Variants in RASAL2 observed in about 807,000 individuals in gnomAD.
RASAL2 encodes ras GTPase-activating protein nGAP.
A neutral mutation model predicts 128.9 loss-of-function variants in RASAL2; 58 were observed. The observed-to-expected ratio is 0.45, with a 90% CI of 0.36 to 0.56. The LOEUF is 0.56. RASAL2 is among the 20% of genes least tolerant of loss of function. The pLI, the probability that RASAL2 is intolerant of heterozygous loss-of-function variation, is 0.00. For missense variants in RASAL2, 1,360 were observed against 1,601.6 expected, an observed-to-expected ratio of 0.85 and a Z score of 2.57; for synonymous variants, 561 against 580.8, an observed-to-expected ratio of 0.97 and a Z score of 0.49.
chr1:178,252,218 A>T (rs969852511), intron 1 of RASAL2, among the ~76,000 whole-genome samples: 1 of 152,270 alleles, frequency 6.6e-6, no homozygotes, highest in Middle Eastern at 3.4e-3. Context: ...AAATAAAATT[A>T]TGTGGAAAAA....
At position 178,388,014 on chromosome 1, in the gene RASAL2, A is replaced by T. The variant is rs1000676628; in HGVS notation, c.458-2086A>T. Among the ~76,000 whole-genome samples the T allele has an allele frequency of 2.0e-5, 3 of 152,148 alleles. No homozygotes were observed. In the East Asian group the frequency reaches 5.8e-4, roughly 29 times the overall value. On this transcript the variant is annotated intron_variant, in intron 3 of 17. Coordinates refer to ENST00000367649, the MANE Select transcript of RASAL2 (RefSeq NM_170692.4). Reference sequence around the variant, plus strand: ...GCAAATTAAGGAAATGGTTTACTAGATCATTTTATCCCAGCTAATGAAATT... The same window carrying T: ...GCAAATTAAGGAAATGGTTTACTAGTTCATTTTATCCCAGCTAATGAAATT...
intron 4 of RASAL2, chr1:178,411,758 A>T: frequency 1.3e-6 from 1 of 796,000 alleles, no homozygotes; most frequent in Non-Finnish European, 2.3e-6. Context: ...GCAGACCGAG[A>T]TGAATCCTCG....
intron 3 of RASAL2, among the ~76,000 whole-genome samples, chr1:178,349,710 A>G (rs1482060267): frequency 6.6e-6 from 1 of 152,116 alleles, no homozygotes; most frequent in Non-Finnish European, 1.5e-5. Context: ...ACTTTTACAT[A>G]TAGTTACTAA....
At chr1:178,289,945 TC>T (rs1667202398) in intron 2 of RASAL2, among the ~76,000 whole-genome samples, 1 of 152,308 alleles carries the variant, frequency 6.6e-6, no homozygotes, top group Non-Finnish European at 1.5e-5. Flanking sequence ...CTTACCTCCT[TC>T]ATCTCTTTGC....
intron 15 of RASAL2, 21 bp from the exon 16 acceptor site, chr1:178,465,889 AGTTTTTGTCT>A (rs111561385): frequency 4.9e-6 from 7 of 1,428,314 alleles, no homozygotes; most frequent in African/African-American, 4.5e-5. Flanking sequence ...ATGTGACTCT[AGTTTTTGTCT>A]CCTTGCCTCC....
At chr1:178,416,217 A>G (rs2102728118) in intron 4 of RASAL2, among the ~76,000 whole-genome samples, 1 of 152,192 alleles carries the variant, frequency 6.6e-6, no homozygotes, top group Admixed American at 6.5e-5. Flanking sequence ...TTAGCATATC[A>G]GTTATACTTA....
intron 17 of RASAL2, among the ~76,000 whole-genome samples, chr1:178,469,176 A>T (rs1455636771): frequency 6.6e-6 from 1 of 152,144 alleles, no homozygotes; most frequent in Non-Finnish European, 1.5e-5. Context: ...TCATGCCTGT[A>T]GTCCCAGCTG....
At position 178,458,481 on chromosome 1, in the gene RASAL2, C is replaced by G. The variant is rs769896125; in HGVS notation, c.3189C>G (p.Ser1063=). The G allele has an allele frequency of 1.2e-6, 2 of 1,614,104 alleles. No homozygotes were observed. The highest frequency in any genetic ancestry group is 1.7e-6 in the Non-Finnish European group (2 of 1,179,994). Residue 1063 remains serine, a synonymous_variant, in exon 14 of 18, where the codon TCC becomes TCG. Coordinates refer to ENST00000367649, the MANE Select transcript of RASAL2 (RefSeq NM_170692.4). ...VQNGSRSRQQ[S]SSSRESPVPK... is the part of the protein sequence containing the mutation. ...ATGGGAGCCGGTCCCGGCAGCAGTC[C>G]TCTTCCTCCAGAGAGAGCCCTGTTC...
chr1:178,412,546 A>T (rs555940422), intron 4 of RASAL2, among the ~76,000 whole-genome samples: 46 of 152,348 alleles, frequency 3.0e-4, no homozygotes, highest in Middle Eastern at 6.8e-3. Context: ...TCCCTGAAGT[A>T]TTACTGCCCA....
chr1:178,217,762 G>A (rs573390755), intron 1 of RASAL2, among the ~76,000 whole-genome samples: 1 of 152,302 alleles, frequency 6.6e-6, no homozygotes, highest in Admixed American at 6.5e-5. Flanking sequence ...ACTGCTAGCT[G>A]CTCAGGGTGC....
chr1:178,336,163 G>A (rs12755909), intron 3 of RASAL2, among the ~76,000 whole-genome samples: 11,933 of 150,956 alleles, frequency 0.079, 540 homozygotes, highest in Middle Eastern at 0.14. Flanking sequence ...CTAGGAAATC[G>A]CTGTTGTAAT....
At chr1:178,204,891 T>C (rs1031185875) in intron 1 of RASAL2, among the ~76,000 whole-genome samples, 2 of 152,194 alleles carry the variant, frequency 1.3e-5, no homozygotes, top group African/African-American at 4.8e-5. Context: ...TGTGAAGGCT[T>C]CCAAATTCAT....
At chr1:178,100,260 A>G (rs1346966100) in intron 1 of RASAL2, among the ~76,000 whole-genome samples, 1 of 152,044 alleles carries the variant, frequency 6.6e-6, no homozygotes, top group Non-Finnish European at 1.5e-5. Flanking sequence ...TTATGCCCAT[A>G]ATTCCAGCAC....
Position 178,404,825 on chromosome 1 carries a change from G to C in RASAL2, c.564+14619G>C, listed in dbSNP as rs149745839. On this transcript the variant is annotated intron_variant, in intron 4 of 17. Transcript: ENST00000367649. ...GCCTCCTGAGTAGCCGGGTCTGCAG[G>C]TACATGCCACCACACCCAGCTAATT... is the stretch of plus-strand genomic sequence containing the variant. Among the ~76,000 whole-genome samples, 1,086 of 151,002 alleles carry C rather than the reference G, an allele frequency of 7.2e-3. 9 individuals are homozygous for C. Among genetic ancestry groups the C allele is most frequent in the Non-Finnish European group, 8.8e-3 (594 of 67,838 alleles).
rs545827800 is a variant in RASAL2 at position 178,201,026 on chromosome 1, G to A, written c.203-82538G>A. Among the ~76,000 whole-genome samples the A allele has an allele frequency of 9.9e-5, 15 of 152,268 alleles. No homozygotes were observed. The South Asian group carries it at 1.9e-3, about 19-fold the overall frequency. On this transcript the variant is annotated intron_variant, in intron 1 of 17. Transcript: ENST00000367649. ...TATAATTAGACTAAAGTCCCAGCAG[G>A]CTCCTAGAGGTGAGGTTCAGAGTGT...
At chr1:178,229,993 A>T (rs1006152123) in intron 1 of RASAL2, among the ~76,000 whole-genome samples, 12 of 151,908 alleles carry the variant, frequency 7.9e-5, no homozygotes, top group Non-Finnish European at 1.6e-4. Context: ...TGCTTTTCTG[A>T]TATTTTTTTT....
intron 1 of RASAL2, among the ~76,000 whole-genome samples, chr1:178,210,062 G>A (rs1441022590): frequency 6.6e-6 from 1 of 151,668 alleles, no homozygotes; most frequent in Non-Finnish European, 1.5e-5. Context: ...CCCTGTGACT[G>A]TTAGGTCACT....
intron 1 of RASAL2, among the ~76,000 whole-genome samples, chr1:178,247,946 A>G (rs1288920794): frequency 6.6e-6 from 1 of 152,110 alleles, no homozygotes; most frequent in Non-Finnish European, 1.5e-5. Flanking sequence ...GTTTGTTATG[A>G]TTTCCATTCT....
At chr1:178,323,217 C>A (rs1404188004) in intron 3 of RASAL2, among the ~76,000 whole-genome samples, 1 of 152,120 alleles carries the variant, frequency 6.6e-6, no homozygotes, top group Non-Finnish European at 1.5e-5. Context: ...TAGATTGGAA[C>A]CTCTTAGATG....
Sources: allele counts gnomAD v4.1 joint callset (sites outside exome capture counted in the v4.1 genomes callset), GRCh38; gene constraint gnomAD v4.1.1; transcripts MANE v1.5; gene names NCBI Gene and HGNC (gene_info 2026-07-23, HGNC 2026-07-21).